WDR93: variants seen among roughly 807,000 people sequenced by gnomAD.
WDR93 encodes the protein WD repeat-containing protein 93.
In WDR93, 73 loss-of-function variants were observed where a neutral mutation model predicts 82.9. The ratio of observed to expected loss-of-function variants is 0.88; its 90% CI spans 0.73 to 1.07. The LOEUF is 1.07. Among genes scored for constraint, WDR93 ranks in the 50% least tolerant of loss-of-function variants. WDR93 has a pLI of 0.00. For missense variants in WDR93, 738 were observed against 826.0 expected, an observed-to-expected ratio of 0.89 and a Z score of 1.31; for synonymous variants, 283 against 300.1, an observed-to-expected ratio of 0.94 and a Z score of 0.59.
At chr15:89,711,579 T>G (rs927261660) in intron 4 of WDR93, among the ~76,000 whole-genome samples, 4 of 151,918 alleles carry the variant, frequency 2.6e-5, no homozygotes, top group African/African-American at 9.7e-5. Flanking sequence ...CCTCTGACCT[T>G]ATCCACAATT....
At chr15:89,719,479 GT>G (rs913600021) in intron 7 of WDR93, 12 of 152,230 alleles carry the variant, frequency 7.9e-5, no homozygotes, top group Non-Finnish European at 1.3e-4. Context: ...TTTTGTCTAA[GT>G]TGTCAAATTT....
chr15:89,721,944 C>G, intron 7 of WDR93, 111 bp from the exon 8 acceptor site: 1 of 724,368 alleles, frequency 1.4e-6, no homozygotes. Flanking sequence ...TATTTGTCCT[C>G]TTATTTTTCT....
chr15:89,700,345 T>A (rs1237171515), intron 1 of WDR93, among the ~76,000 whole-genome samples: 1 of 152,016 alleles, frequency 6.6e-6, no homozygotes, highest in African/African-American at 2.4e-5. Flanking sequence ...ACTCACACAT[T>A]GAAAGCATCA....
intron 4 of WDR93, among the ~76,000 whole-genome samples, chr15:89,711,525 CAAAAA>C (rs541710221): frequency 7.6e-6 from 1 of 132,218 alleles, no homozygotes; most frequent in African/African-American, 2.8e-5. Context: ...TAGCGAGTCT[CAAAAA>C]AAAAAAAAAA....
chr15:89,724,781 G>C (rs1241293192), intron 8 of WDR93, among the ~76,000 whole-genome samples: 1 of 152,216 alleles, frequency 6.6e-6, no homozygotes, highest in African/African-American at 2.4e-5. Context: ...CATTCACTAG[G>C]ATGGGTAAAA....
chr15:89,734,795 G>A (rs999595735), intron 13 of WDR93, among the ~76,000 whole-genome samples: 6 of 150,432 alleles, frequency 4.0e-5, no homozygotes, highest in African/African-American at 1.5e-4. Context: ...GACCAGCCTG[G>A]GTAACATAGT....
chr15:89,737,089 C>T (rs1220324543), intron 14 of WDR93, among the ~76,000 whole-genome samples: 2 of 152,278 alleles, frequency 1.3e-5, no homozygotes, highest in Middle Eastern at 3.4e-3. Context: ...TCGCGCCCGG[C>T]CAAAGGGGAC....
chr15:89,741,435 C>A (rs1241947606), intron 16 of WDR93, among the ~76,000 whole-genome samples: 3 of 152,066 alleles, frequency 2.0e-5, no homozygotes, highest in Non-Finnish European at 4.4e-5. Flanking sequence ...CCTATGTTGC[C>A]CAGGCTGGTC....
At chr15:89,716,861 TA>T in intron 6 of WDR93, 49 bp from the exon 7 acceptor site, 1 of 1,323,960 alleles carries the variant, frequency 7.6e-7, no homozygotes, top group South Asian at 1.3e-5. Context: ...AAGGGGGTGG[TA>T]AACATACATC....
Position 89,707,492 on chromosome 15 carries a change from T to C in WDR93, c.561+1874T>C, listed in dbSNP as rs1326711196. 2.0e-5 allele frequency among the ~76,000 whole-genome samples: 3 copies of C among 152,030 alleles called. No homozygotes were observed. In the East Asian group the frequency reaches 5.8e-4, roughly 29 times the overall value. On this transcript the variant is annotated intron_variant, in intron 4 of 16. Transcript: ENST00000268130. ...TGAACCCAGGAGGCAGAGGTTGAAG[T>C]GAGCTGAGATTACACCACTACACTC...
rs1414330526 is a variant in WDR93, at chr15:89,743,378, A to G, written c.2048A>G (p.Asn683Ser). 3 of 1,614,126 alleles carry G rather than the reference A, an allele frequency of 1.9e-6. No individual in the cohort carries two copies. In the East Asian group the frequency reaches 6.7e-5, roughly 36 times the overall value. ...QRYSLSLQRENFKK is the reference protein window; with the variant it reads ...QRYSLSLQRESFKK ...TACTCCTTGTCGCTCCAGAGAGAGAACTTCAAGAAGTGAGGCTGCCACCGC... is the reference window on the plus strand; with the variant it reads ...TACTCCTTGTCGCTCCAGAGAGAGAGCTTCAAGAAGTGAGGCTGCCACCGC... The change falls in exon 17 of 17, where the codon AAC becomes AGC. Residue 683 changes from asparagine (N) to serine (S), a missense_variant. By Grantham distance (46) the Asn-to-Ser change is conservative. Coordinates refer to ENST00000268130, the MANE Select transcript of WDR93 (RefSeq NM_020212.2).
In WDR93 at chr15:89,712,371, G is replaced by A. The variant is rs945060757; in HGVS notation, c.640+267G>A. Among the ~76,000 whole-genome samples, 7 of 102,336 alleles carry A rather than the reference G, an allele frequency of 6.8e-5. No homozygotes were observed. The East Asian group carries it at 1.1e-3, about 16-fold the overall frequency. The allele number at this position is 102,336 out of a possible 152,430, so 67.1% of individuals were successfully genotyped here. A position where few individuals can be genotyped will look rare whatever the true frequency, so the allele number is the denominator to read the frequency against. ...CTCTTAACTACAGATTTTTTTTTTCGGATTTCACTAGTTTTTCCACTAATC... is the reference window on the plus strand; with the variant it reads ...CTCTTAACTACAGATTTTTTTTTTCAGATTTCACTAGTTTTTCCACTAATC... On this transcript the variant is annotated intron_variant, in intron 5 of 16. Coordinates refer to ENST00000268130, the MANE Select transcript of WDR93 (RefSeq NM_020212.2).
At chr15:89,693,851 A>G (rs887000407) in intron 1 of WDR93, among the ~76,000 whole-genome samples, 7 of 152,200 alleles carry the variant, frequency 4.6e-5, no homozygotes, top group South Asian at 4.1e-4. Flanking sequence ...TACACAAGGA[A>G]TGAGTCAAAT....
intron 1 of WDR93, among the ~76,000 whole-genome samples, chr15:89,695,484 G>A (rs908174143): frequency 6.6e-6 from 1 of 152,110 alleles, no homozygotes; most frequent in South Asian, 2.1e-4. Context: ...ACAGGTGCAA[G>A]CCACCTTGCC....
At position 89,729,770 on chromosome 15, in the gene WDR93, G is replaced by C. The variant is rs1401182307; in HGVS notation, c.1210+1G>C. 6.2e-7 allele frequency: 1 copy of C among 1,612,518 alleles called. No individual in the cohort carries two copies. The highest frequency in any genetic ancestry group is 8.5e-7 in the Non-Finnish European group (1 of 1,178,916). On this transcript the variant is annotated splice_donor_variant, in intron 11 of 16. Transcript: ENST00000268130. LOFTEE classifies it high-confidence loss of function. ...AACCGAACTCTAAAGGATAAAGCTG[G>C]TACTTTACTGCTGAGATGGGAGTCG...
intron 6 of WDR93, among the ~76,000 whole-genome samples, chr15:89,716,305 T>C (rs1388783034): frequency 6.6e-6 from 1 of 152,240 alleles, no homozygotes; most frequent in African/African-American, 2.4e-5. Context: ...AATCCTCTTG[T>C]CTTCAATGGA....
intron 4 of WDR93, among the ~76,000 whole-genome samples, chr15:89,710,228 G>A (rs1420789247): frequency 2.0e-5 from 3 of 152,134 alleles, no homozygotes; most frequent in Non-Finnish European, 4.4e-5. Context: ...GGTAGACTAA[G>A]TCAATGGAAC....
rs1046623458 is a variant in WDR93, at chr15:89,706,119, C to T, written c.561+501C>T. On this transcript the variant is annotated intron_variant, in intron 4 of 16. Coordinates refer to ENST00000268130, the MANE Select transcript of WDR93 (RefSeq NM_020212.2). ...TGCTTTGTGCCACTGACAAAGAGAA[C>T]ACAGTTTCTACCACAGTGTTTCCCG... 7.2e-5 allele frequency among the ~76,000 whole-genome samples: 11 copies of T among 152,182 alleles called. 1 individual carries two copies. Among genetic ancestry groups the T allele is most frequent in the Admixed American group, 5.9e-4 (9 of 15,276 alleles).
intron 6 of WDR93, among the ~76,000 whole-genome samples, chr15:89,715,876 A>G (rs758610331): frequency 4.6e-5 from 7 of 152,204 alleles, no homozygotes; most frequent in Admixed American, 2.6e-4. Context: ...GAGCCATCGC[A>G]CCCGGCCTGT....
Sources: gnomAD v4.1 joint callset for allele counts (sites outside exome capture counted in the v4.1 genomes callset) on GRCh38, gnomAD v4.1.1 for gene constraint, MANE v1.5 for transcripts, NCBI Gene and HGNC (gene_info 2026-07-23, HGNC 2026-07-21) for gene names.